UST: variants seen among roughly 807,000 people sequenced by gnomAD.
UST encodes uronyl 2-sulfotransferase.
Under a neutral mutation model 45.6 loss-of-function variants are expected in UST, and 21 were observed. The observed-to-expected ratio is 0.46, with a 90% CI of 0.33 to 0.66. The LOEUF (loss-of-function observed/expected upper bound fraction) is 0.66. Among genes scored for constraint, UST ranks in the 30% least tolerant of loss-of-function variants. The probability of loss-of-function intolerance (pLI) is 0.02; values close to 1 mark genes in which losing one functional copy is unlikely to be tolerated. For missense variants in UST, 463 were observed against 512.4 expected, an observed-to-expected ratio of 0.90 and a Z score of 0.93; for synonymous variants, 215 against 200.6, an observed-to-expected ratio of 1.07 and a Z score of -0.61.
At chr6:149,022,402 C>T (rs558230482) in intron 7 of UST, among the ~76,000 whole-genome samples, 1 of 152,082 alleles carries the variant, frequency 6.6e-6, no homozygotes, top group African/African-American at 2.4e-5. Flanking sequence ...GAGTTCGAGA[C>T]CAGCCTGGCC....
chr6:148,814,641 C>T (rs1024394528), intron 1 of UST, among the ~76,000 whole-genome samples: 4 of 152,124 alleles, frequency 2.6e-5, no homozygotes, highest in South Asian at 2.1e-4. Context: ...GGGGTTGATG[C>T]GGTTCACTGT....
chr6:148,762,786 G>A (rs1776246025), intron 1 of UST, among the ~76,000 whole-genome samples: 4 of 152,140 alleles, frequency 2.6e-5, no homozygotes, highest in South Asian at 4.1e-4. Flanking sequence ...GTGAGAATGT[G>A]TGGTATTTGA....
At chr6:148,853,888 C>T (rs1365907975) in intron 1 of UST, among the ~76,000 whole-genome samples, 1 of 152,198 alleles carries the variant, frequency 6.6e-6, no homozygotes, top group African/African-American at 2.4e-5. Context: ...CCCAGAGCCA[C>T]TTCCCTACCC....
chr6:148,915,644 T>C (rs1400303079), intron 2 of UST, among the ~76,000 whole-genome samples: 1 of 152,228 alleles, frequency 6.6e-6, no homozygotes, highest in Non-Finnish European at 1.5e-5. Context: ...ATCCATTACA[T>C]GTAGTTTAGA....
chr6:148,819,868 C>T (rs1171697365), intron 1 of UST, among the ~76,000 whole-genome samples: 3 of 152,192 alleles, frequency 2.0e-5, no homozygotes, highest in Non-Finnish European at 2.9e-5. Context: ...TTATTATCTA[C>T]ACCTCCTTCC....
chr6:149,016,813 TGTCCTGGC>T lies in UST; in HGVS notation c.682-2325_682-2318del, dbSNP rs1423939968. Among the ~76,000 whole-genome samples the T allele has an allele frequency of 4.6e-5, 7 of 152,214 alleles. No individual in the cohort carries two copies. In the East Asian group the frequency reaches 1.3e-3, roughly 29 times the overall value. On this transcript the variant is annotated intron_variant, in intron 5 of 7. Transcript: ENST00000367463. ...AATCTCGACCTCAGCAGATGAACAC[TGTCCTGGC>T]CAGAATCACCCTAGGCTCTGCTTCT...
intron 1 of UST, among the ~76,000 whole-genome samples, chr6:148,763,733 C>T (rs1014305854): frequency 6.6e-6 from 1 of 152,194 alleles, no homozygotes; most frequent in Admixed American, 6.5e-5. Context: ...ATTTTTCCAG[C>T]ACCACTTATT....
Position 148,940,753 on chromosome 6 carries a change from T to A in UST, c.292-526T>A, listed in dbSNP as rs545210007. Among the ~76,000 whole-genome samples, 3 of 152,342 alleles carry A rather than the reference T, an allele frequency of 2.0e-5. No individual in the cohort carries two copies. The East Asian group carries it at 5.8e-4, about 29-fold the overall frequency. On this transcript the variant is annotated intron_variant, in intron 2 of 7. Transcript: ENST00000367463. ...GTGGTATCTCATTGCGATTTTGATT[T>A]GCATTTCCCTGTGACTAATGATGTT... is the stretch of plus-strand genomic sequence containing the variant.
intron 1 of UST, among the ~76,000 whole-genome samples, chr6:148,768,764 C>G: frequency 6.6e-6 from 1 of 152,156 alleles, no homozygotes; most frequent in East Asian, 1.9e-4. Flanking sequence ...TTTTAGAGGA[C>G]TTTTGAAAGC....
chr6:148,984,524 T>C (rs1781203564), intron 5 of UST, among the ~76,000 whole-genome samples: 1 of 152,228 alleles, frequency 6.6e-6, no homozygotes, highest in Admixed American at 6.5e-5. Context: ...TTGCATTTAT[T>C]TATTTATTTT....
chr6:148,885,661 C>T (rs1778899439), intron 1 of UST, among the ~76,000 whole-genome samples: 2 of 152,040 alleles, frequency 1.3e-5, no homozygotes, highest in Non-Finnish European at 2.9e-5. Flanking sequence ...CAGAAGATGA[C>T]AAAGAAAAGG....
chr6:149,073,992 C>G lies in UST; in HGVS notation c.1097C>G (p.Ser366Cys), dbSNP rs377719815. ...CTGAAGCGCAAGTTTGGACTTAAGT[C>G]TCACGTCAGCAAGCCCCCCCTGAGG... ...HLLKRKFGLKSHVSKPPLRPH... is the reference protein window; with the variant it reads ...HLLKRKFGLKCHVSKPPLRPH... Residue 366 changes from serine to cysteine, a missense_variant, in exon 8 of 8, where the codon TCT becomes TGT. By Grantham distance (112) the Ser-to-Cys change is moderately radical. Around this residue, in one of 2 missense-constraint regions of UST, gnomAD observed 287 missense variants for 374.2 expected, o/e 0.77. Transcript: ENST00000367463. 29 of 1,614,082 alleles carry G rather than the reference C, an allele frequency of 1.8e-5. No homozygotes were observed. In the African/African-American group the frequency reaches 3.5e-4, roughly 19 times the overall value.
intron 1 of UST, among the ~76,000 whole-genome samples, chr6:148,784,242 C>T (rs1182894924): frequency 6.6e-6 from 1 of 152,048 alleles, no homozygotes; most frequent in Non-Finnish European, 1.5e-5. Context: ...AACTAAAGTT[C>T]CCCACTTAAG....
chr6:148,932,880 G>A (rs1562304467), intron 2 of UST, among the ~76,000 whole-genome samples: 1 of 152,196 alleles, frequency 6.6e-6, no homozygotes, highest in Non-Finnish European at 1.5e-5. Flanking sequence ...ATAACCCTGT[G>A]GTCATCCCTA....
intron 2 of UST, among the ~76,000 whole-genome samples, chr6:148,910,813 C>A (rs1414626281): frequency 6.6e-6 from 1 of 152,188 alleles, no homozygotes; most frequent in Non-Finnish European, 1.5e-5. Context: ...AAACCCAGCA[C>A]AGGAACTGCC....
At chr6:148,940,034 A>G (rs545123872) in intron 2 of UST, among the ~76,000 whole-genome samples, 2 of 152,372 alleles carry the variant, frequency 1.3e-5, no homozygotes, top group East Asian at 3.9e-4. Flanking sequence ...TTGTAAATGG[A>G]TGATGGATTT....
At chr6:149,011,761 G>A (rs942506652) in intron 5 of UST, among the ~76,000 whole-genome samples, 1 of 152,202 alleles carries the variant, frequency 6.6e-6, no homozygotes, top group Non-Finnish European at 1.5e-5. Context: ...ACAGCGAGCC[G>A]AGATCGTGCC....
intron 1 of UST, among the ~76,000 whole-genome samples, chr6:148,822,984 G>A (rs1777495349): frequency 6.6e-6 from 1 of 152,156 alleles, no homozygotes; most frequent in Non-Finnish European, 1.5e-5. Context: ...TAAATGACTT[G>A]GGTGTGTTTG....
At position 149,043,637 on chromosome 6, in the gene UST, C is replaced by T. The variant is rs576373010; in HGVS notation, c.937+22156C>T. On this transcript the variant is annotated intron_variant, in intron 7 of 7. Transcript: ENST00000367463. ...ACAGGCGTCATCTGACGGAGAGCCA[C>T]CAGGAGGAGCCACTGGCTGCTGTCA... is the stretch of plus-strand genomic sequence containing the variant. Among the ~76,000 whole-genome samples, 4 of 152,348 alleles carry T rather than the reference C, an allele frequency of 2.6e-5. No homozygotes were observed. In the East Asian group the frequency reaches 7.7e-4, roughly 29 times the overall value.
Sources: allele counts gnomAD v4.1 joint callset (sites outside exome capture counted in the v4.1 genomes callset), GRCh38; gene constraint gnomAD v4.1.1; regional missense constraint gnomAD v4.1.1; transcripts MANE v1.5; gene names NCBI Gene and HGNC (gene_info 2026-07-23, HGNC 2026-07-21).